NEXN: variants seen among roughly 807,000 people sequenced by gnomAD.
NEXN encodes the protein nexilin F-actin binding protein.
NEXN carries 65 observed loss-of-function variants against 92.6 expected under a neutral mutation model. The observed-to-expected ratio is 0.70, with a 90% CI of 0.57 to 0.86. The LOEUF (loss-of-function observed/expected upper bound fraction) is 0.86, where lower values mean the gene tolerates loss of function less well. Ranked by LOEUF, NEXN falls within the 40% of genes least tolerant of loss-of-function variation. The pLI, the probability that NEXN is intolerant of heterozygous loss-of-function variation, is 0.00. For synonymous variants in NEXN, 254 were observed against 242.5 expected (o/e 1.05, Z -0.44); for missense variants, 778 against 771.1 (o/e 1.01, Z -0.11).
chr1:77,905,991 T>C (rs1159676053), intron 1 of NEXN, among the ~76,000 whole-genome samples: 1 of 151,852 alleles, frequency 6.6e-6, no homozygotes, highest in African/African-American at 2.4e-5. Flanking sequence ...CTAAAGTGTA[T>C]TAAATCACAG....
intron 12 of NEXN, 98 bp downstream of exon 12, chr1:77,942,306 T>C: frequency 1.4e-6 from 2 of 1,424,614 alleles, no homozygotes; most frequent in Middle Eastern, 1.9e-4. Flanking sequence ...ATGGTTTTCT[T>C]TCAAGTCACT....
At chr1:77,916,737 A>T (rs989190094) in intron 2 of NEXN, among the ~76,000 whole-genome samples, 1 of 152,198 alleles carries the variant, frequency 6.6e-6, no homozygotes, top group Non-Finnish European at 1.5e-5. Context: ...TGGTGTTCTG[A>T]GGCACACATT....
In NEXN at chr1:77,917,999, T is replaced by A; in HGVS notation, c.259T>A (p.Ser87Thr). 9 of 1,613,574 alleles carry A rather than the reference T, an allele frequency of 5.6e-6. No individual in the cohort carries two copies. Among genetic ancestry groups the A allele is most frequent in the Non-Finnish European group, 2.5e-6 (3 of 1,179,688 alleles). The change falls in exon 4 of 13, where the codon TCT (serine) becomes ACT (threonine). Residue 87 changes from serine to threonine, a missense_variant. Physicochemically the swap from Ser to Thr is moderately conservative, Grantham distance 58 (BLOSUM62 1). This residue lies in a region of NEXN where 236 missense variants were observed against 265.6 expected (regional missense o/e 0.89). Coordinates refer to ENST00000334785, the MANE Select transcript of NEXN (RefSeq NM_144573.4). ...TGCTTCTGATGATGAGGAAGATGTA[T>A]CTTCTAAAGTAGAAAAGGCTTATGT... ...MLASDDEEDVSSKVEKAYVPK... is the reference protein window; with the variant it reads ...MLASDDEEDVTSKVEKAYVPK...
chr1:77,899,442 G>A (rs1052463728), intron 1 of NEXN, among the ~76,000 whole-genome samples: 20 of 152,048 alleles, frequency 1.3e-4, no homozygotes, highest in African/African-American at 4.3e-4. Context: ...CTCACTCATA[G>A]GTGGGAATTG....
intron 1 of NEXN, among the ~76,000 whole-genome samples, chr1:77,914,857 CAA>C (rs566813851): frequency 1.8e-4 from 12 of 67,466 alleles, no homozygotes; most frequent in Admixed American, 3.5e-4. Flanking sequence ...AACTACGTCT[CAA>C]AAAAAAAAAA....
At chr1:77,917,905 G>A (rs1365751772) in intron 3 of NEXN, 55 bp from the exon 4 acceptor site, 7 of 1,503,196 alleles carry the variant, frequency 4.7e-6, no homozygotes, top group African/African-American at 2.8e-5. Flanking sequence ...TGCATATAAT[G>A]TGATTTAGTC....
At chr1:77,901,446 C>T (rs1647702418) in intron 1 of NEXN, among the ~76,000 whole-genome samples, 1 of 151,950 alleles carries the variant, frequency 6.6e-6, no homozygotes, top group Non-Finnish European at 1.5e-5. Context: ...ATATTAAAGA[C>T]CTATTGTTAT....
chr1:77,914,668 C>A (rs1648826809), intron 1 of NEXN, among the ~76,000 whole-genome samples: 2 of 151,744 alleles, frequency 1.3e-5, no homozygotes, highest in South Asian at 4.2e-4. Flanking sequence ...ACCAGCCTAG[C>A]CAACATGGTG....
intron 1 of NEXN, among the ~76,000 whole-genome samples, chr1:77,907,756 A>G (rs140007279): frequency 4.9e-4 from 74 of 152,284 alleles, no homozygotes; most frequent in Middle Eastern, 3.4e-3. Flanking sequence ...GGTCTAGCTG[A>G]TTCATTTATT....
At chr1:77,933,629 A>G (rs1405812812) in intron 10 of NEXN, 150 bp downstream of exon 10, 3 of 651,858 alleles carry the variant, frequency 4.6e-6, no homozygotes, top group Non-Finnish European at 8.1e-6. Flanking sequence ...CGTCTGCACA[A>G]TTATGTGTAC....
At chr1:77,899,721 A>G (rs912985204) in intron 1 of NEXN, among the ~76,000 whole-genome samples, 1 of 152,092 alleles carries the variant, frequency 6.6e-6, no homozygotes, top group African/African-American at 2.4e-5. Flanking sequence ...CAAGACAGGG[A>G]CTTTGACTTT....
At position 77,927,277 on chromosome 1, in the gene NEXN, A is replaced by C. The variant is rs1019939564; in HGVS notation, c.864+385A>C. Among the ~76,000 whole-genome samples, 7 of 152,306 alleles carry C rather than the reference A, an allele frequency of 4.6e-5. No individual in the cohort carries two copies. The South Asian group carries it at 8.3e-4, about 18-fold the overall frequency. ...GTAACAGAATGAGACTGTCTCAAAA[A>C]AAAAAATCCATACTGTTTTCCAGTT... On this transcript the variant is annotated intron_variant, in intron 8 of 12. Coordinates refer to ENST00000334785, the MANE Select transcript of NEXN (RefSeq NM_144573.4).
chr1:77,902,319 A>G (rs1402964877), intron 1 of NEXN, among the ~76,000 whole-genome samples: 1 of 152,192 alleles, frequency 6.6e-6, no homozygotes, highest in East Asian at 1.9e-4. Flanking sequence ...TTTTAAAAAA[A>G]TCCTTAAATT....
chr1:77,939,578 T>C (rs1024547737), intron 11 of NEXN, among the ~76,000 whole-genome samples: 3 of 152,198 alleles, frequency 2.0e-5, no homozygotes, highest in African/African-American at 7.2e-5. Context: ...ACCTACAAAA[T>C]ATGTAGGTAA....
chr1:77,936,982 T>TG (rs1425061574), intron 11 of NEXN, among the ~76,000 whole-genome samples: 2 of 152,194 alleles, frequency 1.3e-5, no homozygotes, highest in African/African-American at 4.8e-5. Flanking sequence ...GAGATGATCA[T>TG]GGAGTCTTAG....
At chr1:77,927,155 AT>A (rs1224049636) in intron 8 of NEXN, among the ~76,000 whole-genome samples, 3 of 152,050 alleles carry the variant, frequency 2.0e-5, no homozygotes, top group Middle Eastern at 3.4e-3. Flanking sequence ...AATCCCTGTA[AT>A]CCCAGCTGCT....
chr1:77,925,216 A>T lies in NEXN; in HGVS notation c.476A>T (p.Glu159Val). 1 of 1,597,998 alleles carries T rather than the reference A, an allele frequency of 6.3e-7. No individual in the cohort carries two copies. Among genetic ancestry groups the T allele is most frequent in the Non-Finnish European group, 8.6e-7 (1 of 1,166,752 alleles). ...GAGGACATAAACAATACGGGAACTG[A>T]ATCAGCATCAGAGGTAAACAGACAT... is the stretch of plus-strand genomic sequence containing the variant. The part of the protein sequence containing the change: ...QIEDINNTGT[E>V]SASEEGDDSL... Residue 159 changes from glutamate (E) to valine (V), a missense_variant, in exon 6 of 13, where the codon GAA (glutamate) becomes GTA (valine). By Grantham distance (121) the Glu-to-Val change is moderately radical (BLOSUM62 -2). Coordinates refer to ENST00000334785, the MANE Select transcript of NEXN (RefSeq NM_144573.4).
intron 2 of NEXN, 26 bp downstream of exon 2, chr1:77,916,159 A>G: frequency 6.4e-7 from 1 of 1,573,792 alleles, no homozygotes; most frequent in South Asian, 1.1e-5. Flanking sequence ...AAAAATAAAA[A>G]TAAAAGAGGG....
At position 77,929,461 on chromosome 1, in the gene NEXN, T is replaced by C. The variant is rs749553777; in HGVS notation, c.1010T>C (p.Ile337Thr). The stretch of plus-strand genomic sequence containing the variant: ...GCAGAAGAAGAAGCCAGAAGGAGAA[T>C]AGAGGAAGAAAAGAAGGCGTTTGCT... ...RKAEEEARRR[I>T]EEEKKAFAEA... Residue 337 changes from isoleucine to threonine, a missense_variant, in exon 9 of 13, where the codon ATA becomes ACA. By Grantham distance (89) the Ile-to-Thr change is moderately conservative. Around this residue, in one of 3 missense-constraint regions of NEXN, gnomAD observed 532 missense variants for 476.7 expected, o/e 1.12. Transcript: ENST00000334785. 2.2e-5 allele frequency: 35 copies of C among 1,612,558 alleles called. No individual in the cohort carries two copies. The highest frequency in any genetic ancestry group is 6.7e-5 in the African/African-American group (5 of 74,810).
Sources: gnomAD v4.1 joint callset for allele counts (sites outside exome capture counted in the v4.1 genomes callset) on GRCh38, gnomAD v4.1.1 for gene constraint, gnomAD v4.1.1 regional missense constraint, MANE v1.5 for transcripts, NCBI Gene and HGNC (gene_info 2026-07-23, HGNC 2026-07-21) for gene names.